The following STK24 variants were observed in gnomAD, a reference collection of about 807,000 sequenced individuals.
STK24 encodes serine/threonine kinase 24.
Under a neutral mutation model 55.6 loss-of-function variants are expected in STK24, and 21 were observed. That is an observed-to-expected ratio of 0.38 (90% CI 0.27 to 0.54). The LOEUF is 0.54. STK24 is among the 20% of genes least tolerant of loss of function. STK24 has a pLI of 0.79. For missense variants in STK24, 383 were observed against 538.4 expected, an observed-to-expected ratio of 0.71 and a Z score of 2.86; for synonymous variants, 200 against 215.2, an observed-to-expected ratio of 0.93 and a Z score of 0.62.
intron 2 of STK24, among the ~76,000 whole-genome samples, chr13:98,485,139 G>A (rs1894756915): frequency 6.6e-6 from 1 of 152,168 alleles, no homozygotes; most frequent in Non-Finnish European, 1.5e-5. Context: ...CACCTTGCCC[G>A]CTGCCTAGAC....
intron 2 of STK24, among the ~76,000 whole-genome samples, chr13:98,506,983 G>A (rs959825578): frequency 1.1e-4 from 16 of 152,202 alleles, no homozygotes; most frequent in African/African-American, 3.4e-4. Flanking sequence ...ACATGCAAAG[G>A]GCGTGCTGAC....
chr13:98,530,090 A>C (rs1566388807), intron 1 of STK24, among the ~76,000 whole-genome samples: 2 of 107,750 alleles, frequency 1.9e-5, no homozygotes, highest in South Asian at 3.1e-4. Flanking sequence ...TGTGGGTGCA[A>C]ACACACACAG....
Position 98,503,024 on chromosome 13 carries a change from G to GTGTTTTTTTTTT in STK24, c.273+16218_273+16219insAAAAAAAAAACA, listed in dbSNP as rs1555306356. Among the ~76,000 whole-genome samples the GTGTTTTTTTTTT allele has an allele frequency of 7.4e-4, 79 of 107,052 alleles. 2 individuals carry two copies. The South Asian group carries it at 7.7e-3, about 10-fold the overall frequency. 70.2% of individuals were successfully genotyped at this position (107,052 alleles called of 152,430 possible). Reference sequence around the variant, plus strand: ...AATATATTAGAAATACTTTCCATGTGTTTTTTTTTTTTTTTTTCAGTATGG... The same window carrying GTGTTTTTTTTTT: ...AATATATTAGAAATACTTTCCATGTGTGTTTTTTTTTTTTTTTTTTTTTTTTTTTCAGTATGG... On this transcript the variant is annotated intron_variant, in intron 2 of 10. Transcript: ENST00000539966.
intron 1 of STK24, chr13:98,521,835 CTGGGCTCTGGAGTCCAT>C: frequency 1.3e-6 from 1 of 788,642 alleles, no homozygotes; most frequent in Non-Finnish European, 2.4e-6. Context: ...GTCCCCAAAG[CTGGGCTCTGGAGTCCAT>C]CCTTCTCTCC....
chr13:98,558,275 A>G (rs759638714), intron 1 of STK24, among the ~76,000 whole-genome samples: 1 of 152,174 alleles, frequency 6.6e-6, no homozygotes, highest in South Asian at 2.1e-4. Flanking sequence ...CTTTCTTCCC[A>G]TAATTAAGAA....
rs1056215487 is a variant in STK24, at chr13:98,448,458, C to T, written c.*4715G>A. 9 of 698,682 alleles carry T rather than the reference C, an allele frequency of 1.3e-5. No homozygotes were observed. The highest frequency in any genetic ancestry group is 2.5e-5 in the Admixed American group (1 of 40,114). The allele number at this position is 698,682 out of a possible 1,614,324, so 43.3% of individuals were successfully genotyped here. On this transcript the variant is annotated 3_prime_UTR_variant, in exon 11 of 11. Coordinates refer to ENST00000539966, the MANE Select transcript of STK24 (RefSeq NM_001032296.4). ...CCAGCAGCTCTCCTGTCTCCACAGC[C>T]GCGTTTTTTAACCCCGACCTCTCAG... is the stretch of plus-strand genomic sequence containing the variant.
intron 3 of STK24, among the ~76,000 whole-genome samples, chr13:98,478,075 T>C (rs1023943220): frequency 6.6e-6 from 1 of 152,210 alleles, no homozygotes; most frequent in African/African-American, 2.4e-5. Context: ...AAATTCACTA[T>C]AAAGGGTATT....
intron 2 of STK24, among the ~76,000 whole-genome samples, chr13:98,489,913 G>GAGCGAGGAGAAAAGCAAAGTAAA (rs1894955880): frequency 6.6e-6 from 1 of 152,220 alleles, no homozygotes; most frequent in Non-Finnish European, 1.5e-5. Context: ...AGGAAAGTAA[G>GAGCGAGGAGAAAAGCAAAGTAAA]AGCGAGGAGA....
In STK24 at chr13:98,453,328, T is replaced by G. The variant is rs1245676773; in HGVS notation, c.1260-119A>C. On this transcript the variant is annotated intron_variant, in intron 10 of 10. Transcript: ENST00000539966. ...AAATTCCAAGTCATACAAAAATAAG[T>G]GGAGCAAATATCAATGTGTAAGTCT... 8.1e-6 allele frequency: 8 copies of G among 991,826 alleles called. No individual in the cohort carries two copies. The East Asian group carries it at 1.7e-4, about 21-fold the overall frequency. The allele number at this position is 991,826 out of a possible 1,614,324, so 61.4% of individuals were successfully genotyped here.
At chr13:98,485,200 C>T (rs1894758908) in intron 2 of STK24, among the ~76,000 whole-genome samples, 2 of 152,168 alleles carry the variant, frequency 1.3e-5, no homozygotes, top group African/African-American at 2.4e-5. Flanking sequence ...GAGTAATTCA[C>T]GCAGAGCCAG....
chr13:98,511,988 G>A (rs747576869), intron 2 of STK24, among the ~76,000 whole-genome samples: 3 of 150,610 alleles, frequency 2.0e-5, no homozygotes, highest in African/African-American at 4.9e-5. Context: ...AGGTTCAAGC[G>A]ATTCTCGTGC....
At chr13:98,538,209 G>A (rs183910378) in intron 1 of STK24, among the ~76,000 whole-genome samples, 2 of 141,506 alleles carry the variant, frequency 1.4e-5, no homozygotes, top group East Asian at 4.3e-4. Flanking sequence ...GTCAATCACT[G>A]CTTTGGTGCT....
rs573267330 is a variant in STK24 at position 98,449,969 on chromosome 13, C to T, written c.*3204G>A. 6.6e-6 allele frequency: 1 copy of T among 152,348 alleles called. No individual in the cohort carries two copies. Among genetic ancestry groups the T allele is most frequent in the South Asian group, 2.1e-4 (1 of 4,816 alleles). The allele number at this position is 152,348 out of a possible 1,614,324, so 9.4% of individuals were successfully genotyped here. On this transcript the variant is annotated 3_prime_UTR_variant, in exon 11 of 11. Coordinates refer to ENST00000539966, the MANE Select transcript of STK24 (RefSeq NM_001032296.4). ...GCCACACAGCAGCATCAGGCTCCCT[C>T]CAGAAGTCACCACTCACTCATTCCT...
intron 2 of STK24, among the ~76,000 whole-genome samples, chr13:98,489,023 G>A (rs1297294555): frequency 3.3e-5 from 5 of 152,296 alleles, no homozygotes; most frequent in Non-Finnish European, 7.3e-5. Flanking sequence ...AAGAGCGTGA[G>A]TTTTTGTAAA....
intron 9 of STK24, 24 bp downstream of exon 9, chr13:98,460,348 C>G (rs546368746): frequency 3.1e-6 from 5 of 1,609,610 alleles, no homozygotes; most frequent in Non-Finnish European, 4.2e-6. Flanking sequence ...CCTCCCACTC[C>G]GAAAAGGCCA....
Position 98,448,476 on chromosome 13 carries a change from CCT to C in STK24, c.*4695_*4696del. 1 of 624,340 alleles carries C rather than the reference CCT, an allele frequency of 1.6e-6. No homozygotes were observed. The allele number at this position is 624,340 out of a possible 1,614,324, so 38.7% of individuals were successfully genotyped here. ...CCACAGCCGCGTTTTTTAACCCCGA[CCT>C]CTCAGCGTCTGAATGAACAGCGCTC... On this transcript the variant is annotated 3_prime_UTR_variant, in exon 11 of 11. Transcript: ENST00000539966.
chr13:98,498,520 G>A (rs1895331314), intron 2 of STK24, among the ~76,000 whole-genome samples: 1 of 152,204 alleles, frequency 6.6e-6, no homozygotes, highest in African/African-American at 2.4e-5. Flanking sequence ...TAAAATGAGG[G>A]CATTGGTTGG....
intron 1 of STK24, among the ~76,000 whole-genome samples, chr13:98,526,799 C>A (rs1291376440): frequency 6.6e-6 from 1 of 152,128 alleles, no homozygotes; most frequent in South Asian, 2.1e-4. Flanking sequence ...TGGAAAGGAC[C>A]ACAAATGGCT....
chr13:98,503,026 T>TG (rs1895542596), intron 2 of STK24, among the ~76,000 whole-genome samples: 1 of 144,246 alleles, frequency 6.9e-6, no homozygotes, highest in Non-Finnish European at 1.5e-5. Context: ...TTCCATGTGT[T>TG]TTTTTTTTTT....
Sources: gnomAD v4.1 joint callset for allele counts (sites outside exome capture counted in the v4.1 genomes callset) on GRCh38, gnomAD v4.1.1 for gene constraint, MANE v1.5 for transcripts, NCBI Gene and HGNC (gene_info 2026-07-23, HGNC 2026-07-21) for gene names.